Variants in TUG1 observed in about 807,000 individuals in gnomAD.
TUG1 encodes taurine up-regulated 1.
exon 2 of TUG1, chr22:30,972,859 G>C (rs1216742519): frequency 2.0e-5 from 3 of 153,550 alleles, no homozygotes; most frequent in African/African-American, 7.2e-5. Flanking sequence ...TTCTAGTCCT[G>C]TGCCTCCTGA....
exon 3 of TUG1, chr22:30,979,267 T>C (rs1031241296): frequency 6.6e-6 from 1 of 152,230 alleles, no homozygotes; most frequent in South Asian, 2.1e-4. Flanking sequence ...TAGAAAGGTC[T>C]ATTCACAGCT....
chr22:30,974,639 T>A (rs1378694905), intron 2 of TUG1: 1 of 152,138 alleles, frequency 6.6e-6, no homozygotes, highest in Middle Eastern at 3.2e-3. Flanking sequence ...TTACCTTTAT[T>A]TTCTGTCAAG....
exon 3 of TUG1, chr22:30,976,612 AAC>A (rs1269451562): frequency 4.6e-5 from 7 of 152,212 alleles, no homozygotes; most frequent in Non-Finnish European, 8.8e-5. Context: ...CAGGCATTGT[AAC>A]AGACATAAAG....
chr22:30,975,603 A>G (rs913609451), exon 3 of TUG1: 4 of 152,216 alleles, frequency 2.6e-5, no homozygotes, highest in Admixed American at 1.3e-4. Flanking sequence ...AAGTGAACCT[A>G]GATTAACAGC....
At chr22:30,974,175 T>TTGTG (rs559959287) in intron 2 of TUG1, 2 of 151,478 alleles carry the variant, frequency 1.3e-5, no homozygotes, top group Admixed American at 6.6e-5. Context: ...AAAGTCAGTA[T>TTGTG]TGTGTGTGTG....
chr22:30,977,744 G>T (rs141595348), exon 3 of TUG1: 1 of 152,052 alleles, frequency 6.6e-6, no homozygotes, highest in Non-Finnish European at 1.5e-5. Flanking sequence ...TAGACTCACC[G>T]TGAGGACTAC....
exon 3 of TUG1, chr22:30,976,606 C>T (rs1224777600): frequency 1.3e-5 from 2 of 152,138 alleles, no homozygotes; most frequent in African/African-American, 4.8e-5. Context: ...TTAAGGCAGG[C>T]ATTGTAACAG....
chr22:30,973,542 C>T (rs1164820301), exon 2 of TUG1: 2 of 152,194 alleles, frequency 1.3e-5, no homozygotes, highest in South Asian at 4.1e-4. Flanking sequence ...CAGCATCTCA[C>T]AAGGCTGCAC....
exon 3 of TUG1, chr22:30,976,256 T>C (rs974492985): frequency 1.3e-5 from 2 of 152,178 alleles, no homozygotes; most frequent in Non-Finnish European, 2.9e-5. Context: ...ATAGATTTTT[T>C]TTTTAATTGC....
exon 3 of TUG1, chr22:30,977,018 C>G (rs149376213): frequency 6.6e-6 from 1 of 152,170 alleles, no homozygotes; most frequent in Non-Finnish European, 1.5e-5. Flanking sequence ...TTTTTTTCCT[C>G]TCTGGTTTTT....
chr22:30,969,296 CG>C (rs1047231557), exon 1 of TUG1: 32 of 152,566 alleles, frequency 2.1e-4, no homozygotes, highest in African/African-American at 6.5e-4. Context: ...AGCTGCGGTG[CG>C]GACCGGAGGA....
At chr22:30,975,354 C>G (rs907433165) in exon 3 of TUG1, 1 of 152,158 alleles carries the variant, frequency 6.6e-6, no homozygotes, top group Non-Finnish European at 1.5e-5. Flanking sequence ...GTGGTGACAC[C>G]TAAGGGGACT....
chr22:30,974,833 G>A (rs1207517033), intron 2 of TUG1: 1 of 152,180 alleles, frequency 6.6e-6, no homozygotes, highest in East Asian at 1.9e-4. Flanking sequence ...GGGAGAAAAG[G>A]GATGAGGAGA....
chr22:30,979,201 A>G lies in TUG1; in HGVS notation c.*6726A>G, dbSNP rs551051944. 3 of 152,324 alleles carry G rather than the reference A, an allele frequency of 2.0e-5. No homozygotes were observed. In the South Asian group the frequency reaches 6.2e-4, roughly 32 times the overall value. 9.4% of individuals were successfully genotyped at this position (152,324 alleles called of 1,614,324 possible). ...ATTAGGTGAAACAAGTTATTAATAGAAAAGTGTACAGTGTGAACTCATTTT... is the reference window on the plus strand; with the variant it reads ...ATTAGGTGAAACAAGTTATTAATAGGAAAGTGTACAGTGTGAACTCATTTT... On this transcript the variant is annotated 3_prime_UTR_variant, in exon 3 of 3. Coordinates refer to ENST00000644773, the Ensembl canonical transcript of TUG1.
chr22:30,970,767 T>C (rs2041221137), exon 1 of TUG1: 3 of 152,234 alleles, frequency 2.0e-5, no homozygotes, highest in Admixed American at 6.5e-5. Context: ...CGTGGACTTT[T>C]AGCAAGCGGG....
chr22:30,975,325 A>G (rs999300053), exon 3 of TUG1: 4 of 152,164 alleles, frequency 2.6e-5, no homozygotes, highest in African/African-American at 7.2e-5. Context: ...TCCTGCTACA[A>G]CTATCTTCCT....
At chr22:30,976,121 A>G (rs1474400459) in exon 3 of TUG1, 1 of 150,928 alleles carries the variant, frequency 6.6e-6, no homozygotes, top group African/African-American at 2.5e-5. Context: ...ATATCTGCCT[A>G]TTCTCCAGAA....
exon 3 of TUG1, chr22:30,975,260 G>C (rs1318933649): frequency 6.6e-6 from 1 of 152,220 alleles, no homozygotes; most frequent in East Asian, 1.9e-4. Flanking sequence ...CAGAAGCCCA[G>C]AGTAAAAGTG....
chr22:30,973,340 G>A (rs2041252112), exon 2 of TUG1: 1 of 152,202 alleles, frequency 6.6e-6, no homozygotes, highest in Non-Finnish European at 1.5e-5. Context: ...AGGATCCCGT[G>A]AAGGTCACTG....
Sources: allele counts gnomAD v4.1 joint callset, GRCh38; gene constraint gnomAD v4.1.1; transcripts MANE v1.5; gene names NCBI Gene and HGNC (gene_info 2026-07-23, HGNC 2026-07-21).